The following TBC1D22A variants were observed in gnomAD, a reference collection of about 807,000 sequenced individuals.
TBC1D22A encodes putative GTPase activator.
Under a neutral mutation model 60.2 loss-of-function variants are expected in TBC1D22A, and 38 were observed. That is an observed-to-expected ratio of 0.63 (90% CI 0.49 to 0.83). The LOEUF (loss-of-function observed/expected upper bound fraction) is 0.83, where lower values mean the gene tolerates loss of function less well. Ranked by LOEUF, TBC1D22A falls within the 40% of genes least tolerant of loss-of-function variation. The probability of loss-of-function intolerance (pLI) is 0.00; values close to 1 mark genes in which losing one functional copy is unlikely to be tolerated. For synonymous variants in TBC1D22A, 302 were observed against 281.7 expected (o/e 1.07, Z -0.72); for missense variants, 628 against 701.0 (o/e 0.90, Z 1.18).
In TBC1D22A at chr22:46,797,431, C is replaced by G; in HGVS notation, c.461-13C>G. 27 of 1,612,296 alleles carry G rather than the reference C, an allele frequency of 1.7e-5. No homozygotes were observed. Among genetic ancestry groups the G allele is most frequent in the Non-Finnish European group, 2.3e-5 (27 of 1,179,970 alleles). On this transcript the variant is annotated splice_polypyrimidine_tract_variant and intron_variant, in intron 3 of 12. Coordinates refer to ENST00000337137, the MANE Select transcript of TBC1D22A (RefSeq NM_014346.5). ...GCGCCCTCACCCTCACCCCCATTCT[C>G]TCACCCCTGCAGAAAGTGCCAGCGA...
At chr22:46,790,336 T>C (rs2146875561) in intron 1 of TBC1D22A, among the ~76,000 whole-genome samples, 1 of 152,376 alleles carries the variant, frequency 6.6e-6, no homozygotes, top group South Asian at 2.1e-4. Flanking sequence ...TGCTTTTGAG[T>C]ACTCATGATT....
chr22:47,123,124 G>C (rs536458663), intron 12 of TBC1D22A, among the ~76,000 whole-genome samples: 1 of 152,128 alleles, frequency 6.6e-6, no homozygotes, highest in Non-Finnish European at 1.5e-5. Context: ...GTGAGGTTCC[G>C]TCTGCCAAGA....
intron 9 of TBC1D22A, among the ~76,000 whole-genome samples, chr22:46,983,721 T>G (rs1037513021): frequency 6.6e-6 from 1 of 151,634 alleles, no homozygotes; most frequent in African/African-American, 2.4e-5. Context: ...TATTTTATTT[T>G]TTTTCTACCA....
chr22:46,822,397 G>A (rs922779710), intron 4 of TBC1D22A, among the ~76,000 whole-genome samples: 1 of 152,080 alleles, frequency 6.6e-6, no homozygotes, highest in African/African-American at 2.4e-5. Flanking sequence ...CGGTCTTTGA[G>A]GCTGCTGACC....
intron 12 of TBC1D22A, among the ~76,000 whole-genome samples, chr22:47,114,269 G>A (rs1354763180): frequency 6.6e-6 from 1 of 151,952 alleles, no homozygotes; most frequent in African/African-American, 2.4e-5. Flanking sequence ...GTGGGGTGTG[G>A]GGTGCAGGGT....
At chr22:47,014,398 T>C (rs2061843719) in intron 10 of TBC1D22A, among the ~76,000 whole-genome samples, 1 of 152,162 alleles carries the variant, frequency 6.6e-6, no homozygotes, top group Non-Finnish European at 1.5e-5. Flanking sequence ...CAGTCTGCGC[T>C]GCCCCAGACT....
chr22:46,865,766 C>T (rs1026604365), intron 4 of TBC1D22A, among the ~76,000 whole-genome samples: 13 of 152,248 alleles, frequency 8.5e-5, no homozygotes, highest in African/African-American at 3.1e-4. Context: ...GTGTGCATTA[C>T]TTGCTGTGGC....
intron 11 of TBC1D22A, among the ~76,000 whole-genome samples, chr22:47,083,226 C>T (rs774413764): frequency 7.9e-5 from 3 of 38,082 alleles, no homozygotes; most frequent in African/African-American, 1.2e-4. Flanking sequence ...ATGTGGATTC[C>T]ACTGGTATAT....
intron 7 of TBC1D22A, among the ~76,000 whole-genome samples, 186 bp downstream of exon 7, chr22:46,895,032 T>G (rs2068601012): frequency 6.6e-6 from 1 of 152,220 alleles, no homozygotes; most frequent in South Asian, 2.1e-4. Context: ...TTTAAATATT[T>G]TTACTGTATA....
intron 4 of TBC1D22A, among the ~76,000 whole-genome samples, chr22:46,818,853 C>G (rs1474982590): frequency 6.6e-6 from 1 of 151,754 alleles, no homozygotes; most frequent in Non-Finnish European, 1.5e-5. Context: ...GATGTTGATT[C>G]TTCCCATTGA....
chr22:47,143,529 A>G (rs1026468925), intron 12 of TBC1D22A, among the ~76,000 whole-genome samples: 1 of 152,250 alleles, frequency 6.6e-6, no homozygotes, highest in East Asian at 1.9e-4. Context: ...CTTCCGGGGA[A>G]TGGTGCTCCA....
intron 12 of TBC1D22A, among the ~76,000 whole-genome samples, chr22:47,128,039 CT>C (rs1601602185): frequency 2.4e-5 from 2 of 83,466 alleles, no homozygotes; most frequent in East Asian, 7.6e-4. Flanking sequence ...CCCACCCATC[CT>C]CTCCTCCGCC....
chr22:47,074,956 G>A (rs2064143403), intron 11 of TBC1D22A, among the ~76,000 whole-genome samples: 1 of 152,200 alleles, frequency 6.6e-6, no homozygotes, highest in Admixed American at 6.5e-5. Flanking sequence ...AGGTGCGGTG[G>A]CTCACGCCTG....
At chr22:47,170,863 G>A (rs2068416763) in intron 12 of TBC1D22A, among the ~76,000 whole-genome samples, 1 of 148,398 alleles carries the variant, frequency 6.7e-6, no homozygotes, top group South Asian at 2.1e-4. Context: ...ACCGGAGAGA[G>A]GACAGTCCTG....
chr22:46,983,226 C>T (rs1443011291), intron 9 of TBC1D22A, among the ~76,000 whole-genome samples: 1 of 152,132 alleles, frequency 6.6e-6, no homozygotes, highest in Admixed American at 6.5e-5. Flanking sequence ...CCCAGGCTGG[C>T]TTGTGGGCAG....
intron 10 of TBC1D22A, among the ~76,000 whole-genome samples, chr22:47,018,527 G>T (rs144212074): frequency 5.9e-5 from 9 of 152,154 alleles, no homozygotes; most frequent in African/African-American, 2.2e-4. Flanking sequence ...CCGTCTGTCC[G>T]TCCCACTCTC....
intron 11 of TBC1D22A, among the ~76,000 whole-genome samples, chr22:47,041,452 G>A (rs1170768830): frequency 1.3e-5 from 2 of 152,248 alleles, no homozygotes; most frequent in Admixed American, 6.5e-5. Context: ...CCAAGGGCAG[G>A]TGCTGCGGAG....
rs1363938707 is a variant in TBC1D22A, at chr22:47,028,313, A to G, written c.1202-8758A>G. Among the ~76,000 whole-genome samples the G allele has an allele frequency of 1.3e-5, 2 of 152,200 alleles. No individual in the cohort carries two copies. The highest frequency in any genetic ancestry group is 2.9e-5 in the Non-Finnish European group (2 of 68,038). On this transcript the variant is annotated intron_variant, in intron 10 of 12. Coordinates refer to ENST00000337137, the MANE Select transcript of TBC1D22A (RefSeq NM_014346.5). This position sits in a 1 kb window ranked among gnomAD's most constrained non-coding sequence, Gnocchi z 4.4. Reference sequence around the variant, plus strand: ...CATGTTTACTGAGATTCTGAGAGTGAGTGGTCGCGTTCCTGTCCCTCGGTC... The same window carrying G: ...CATGTTTACTGAGATTCTGAGAGTGGGTGGTCGCGTTCCTGTCCCTCGGTC...
intron 12 of TBC1D22A, among the ~76,000 whole-genome samples, chr22:47,163,891 G>A (rs945973928): frequency 3.3e-5 from 5 of 152,260 alleles, no homozygotes; most frequent in African/African-American, 1.2e-4. Flanking sequence ...GCCTGTCCCA[G>A]GATAACTGCA....
Sources: gnomAD v4.1 joint callset for allele counts (sites outside exome capture counted in the v4.1 genomes callset) on GRCh38, gnomAD v4.1.1 for gene constraint, Gnocchi (gnomAD v3.1) non-coding constraint, MANE v1.5 for transcripts, NCBI Gene and HGNC (gene_info 2026-07-23, HGNC 2026-07-21) for gene names.